ZNF708: variants seen among roughly 807,000 people sequenced by gnomAD.
ZNF708 encodes the protein ZNF15, ZNF15L1.
In ZNF708, 44 loss-of-function variants were observed where a neutral mutation model predicts 47.0. That is an observed-to-expected ratio of 0.94 (90% CI 0.74 to 1.20). The LOEUF is 1.20. ZNF708 is among the 50% of genes most tolerant of loss of function. The pLI, the probability that ZNF708 is intolerant of heterozygous loss-of-function variation, is 0.00. For synonymous variants in ZNF708, 184 were observed against 218.5 expected (o/e 0.84, Z 1.39); for missense variants, 557 against 656.0 (o/e 0.85, Z 1.65).
chr19:21,301,999 G>A (rs138351826), intron 3 of ZNF708, among the ~76,000 whole-genome samples: 2 of 152,236 alleles, frequency 1.3e-5, no homozygotes, highest in East Asian at 3.9e-4. Context: ...TGTGGTTCGG[G>A]CCTATGAATC....
intron 1 of ZNF708, among the ~76,000 whole-genome samples, chr19:21,321,971 T>A (rs1973155766): frequency 6.6e-6 from 1 of 152,112 alleles, no homozygotes; most frequent in Non-Finnish European, 1.5e-5. Context: ...GTACTCTAAT[T>A]TATTTCTCTG....
At chr19:21,306,645 T>C (rs1972769793) in intron 3 of ZNF708, among the ~76,000 whole-genome samples, 1 of 152,082 alleles carries the variant, frequency 6.6e-6, no homozygotes, top group Non-Finnish European at 1.5e-5. Context: ...GCTATTGTTT[T>C]AAAATGTTAC....
intron 3 of ZNF708, among the ~76,000 whole-genome samples, chr19:21,308,986 A>G (rs1308665981): frequency 6.6e-6 from 1 of 152,170 alleles, no homozygotes; most frequent in African/African-American, 2.4e-5. Context: ...AAAAAAAGTC[A>G]GATTGTGCAA....
intron 3 of ZNF708, among the ~76,000 whole-genome samples, chr19:21,304,515 G>A (rs991261487): frequency 1.3e-5 from 2 of 151,974 alleles, no homozygotes; most frequent in Non-Finnish European, 2.9e-5. Context: ...AACTTACCAG[G>A]CAAAAGCAAG....
chr19:21,295,099 T>C (rs1972503092), intron 3 of ZNF708, among the ~76,000 whole-genome samples: 1 of 151,958 alleles, frequency 6.6e-6, no homozygotes, highest in Non-Finnish European at 1.5e-5. Context: ...CTAAAAAAAA[T>C]AGTGTCACAT....
At chr19:21,305,438 A>G (rs1438256095) in intron 3 of ZNF708, among the ~76,000 whole-genome samples, 1 of 151,596 alleles carries the variant, frequency 6.6e-6, no homozygotes, top group Non-Finnish European at 1.5e-5. Context: ...TTTTACAGAA[A>G]TATAGTTTAT....
intron 1 of ZNF708, among the ~76,000 whole-genome samples, chr19:21,327,251 C>T (rs375362438): frequency 8.6e-5 from 13 of 151,744 alleles, no homozygotes; most frequent in Middle Eastern, 3.4e-3. Context: ...GTGTCTAGAC[C>T]GGGCGCGGTG....
rs776636833 is a variant in ZNF708, at chr19:21,294,522, G to C, written c.444C>G (p.Val148=). The change falls in exon 4 of 4, where the codon GTC becomes GTG. Residue 148 remains valine, a synonymous_variant. Transcript: ENST00000356929. Reference sequence around the variant, plus strand: ...TCTTTGCATTTGAATATTTATGAAAGACTTTCACGTATTTGTCACACTGAA... The same window carrying C: ...TCTTTGCATTTGAATATTTATGAAACACTTTCACGTATTTGTCACACTGAA... ...KIVQCDKYVK[V]FHKYSNAKRH... is the part of the protein sequence containing the mutation. 1 of 1,614,122 alleles carries C rather than the reference G, an allele frequency of 6.2e-7. No homozygotes were observed. Among genetic ancestry groups the C allele is most frequent in the Non-Finnish European group, 8.5e-7 (1 of 1,180,012 alleles).
intron 3 of ZNF708, among the ~76,000 whole-genome samples, chr19:21,296,142 G>C (rs1409684891): frequency 6.6e-6 from 1 of 151,286 alleles, no homozygotes; most frequent in Non-Finnish European, 1.5e-5. Flanking sequence ...GGCCTGAAGA[G>C]AACTGGGTGA....
At position 21,293,521 on chromosome 19, in the gene ZNF708, C is replaced by CCACATTCTT. The variant is rs1972442313; in HGVS notation, c.1436_1444dup (p.Glu479_Cys481dup). 2 of 1,612,780 alleles carry CCACATTCTT rather than the reference C, an allele frequency of 1.2e-6. No homozygotes were observed. Among genetic ancestry groups the CCACATTCTT allele is most frequent in the Non-Finnish European group, 1.7e-6 (2 of 1,179,634 alleles). ...ATGAGAGGACAGAATAAAGCTTTTG[C>CCACATTCTT]CACATTCTTCACACTTATAGGGTTT... On this transcript the variant is annotated inframe_insertion, in exon 4 of 4. Transcript: ENST00000356929.
At chr19:21,326,596 T>G (rs184964625) in intron 1 of ZNF708, among the ~76,000 whole-genome samples, 2 of 152,214 alleles carry the variant, frequency 1.3e-5, no homozygotes, top group Non-Finnish European at 2.9e-5. Flanking sequence ...GACTACAAAT[T>G]TGGTGCAGTG....
intron 3 of ZNF708, among the ~76,000 whole-genome samples, chr19:21,307,145 A>T (rs1442539412): frequency 2.9e-5 from 4 of 139,762 alleles, no homozygotes; most frequent in Admixed American, 1.4e-4. Context: ...AAATAAAATA[A>T]AATAAAATAT....
intron 1 of ZNF708, among the ~76,000 whole-genome samples, chr19:21,312,158 G>A (rs750471499): frequency 5.3e-5 from 8 of 152,068 alleles, no homozygotes; most frequent in Non-Finnish European, 8.8e-5. Context: ...AGCTGGGCGT[G>A]GTGGAACGCG....
At chr19:21,326,784 T>C (rs2145192250) in intron 1 of ZNF708, among the ~76,000 whole-genome samples, 1 of 151,900 alleles carries the variant, frequency 6.6e-6, no homozygotes, top group East Asian at 1.9e-4. Flanking sequence ...ATACAAAAAT[T>C]AGCTGGGCAT....
chr19:21,316,129 TTTTC>T (rs1370575599), intron 1 of ZNF708, among the ~76,000 whole-genome samples: 1 of 65,368 alleles, frequency 1.5e-5, no homozygotes, highest in Non-Finnish European at 3.0e-5. Flanking sequence ...TTCTTTTCTT[TTTTC>T]TTTTTTTTTT....
chr19:21,315,112 C>T (rs1402552489), intron 1 of ZNF708, among the ~76,000 whole-genome samples: 1 of 152,118 alleles, frequency 6.6e-6, no homozygotes, highest in African/African-American at 2.4e-5. Context: ...ACTTTGTGGT[C>T]TTGATCTCTC....
intron 1 of ZNF708, among the ~76,000 whole-genome samples, chr19:21,322,451 A>ACCC (rs1250675818): frequency 6.6e-6 from 1 of 152,048 alleles, no homozygotes; most frequent in Non-Finnish European, 1.5e-5. Flanking sequence ...ACAAGAACGC[A>ACCC]CCACCATGCC....
chr19:21,308,515 G>C (rs12972601), intron 3 of ZNF708, among the ~76,000 whole-genome samples: 84,825 of 151,836 alleles, frequency 0.56, 23,971 homozygotes, highest in Middle Eastern at 0.68. Context: ...CTGACCTCAG[G>C]TGATCCACCC....
chr19:21,326,362 A>T (rs1218400945), intron 1 of ZNF708, among the ~76,000 whole-genome samples: 1 of 152,236 alleles, frequency 6.6e-6, no homozygotes, highest in Non-Finnish European at 1.5e-5. Flanking sequence ...GTATATATAT[A>T]CAATGGAATA....
Sources: gnomAD v4.1 joint callset for allele counts (sites outside exome capture counted in the v4.1 genomes callset) on GRCh38, gnomAD v4.1.1 for gene constraint, MANE v1.5 for transcripts, NCBI Gene and HGNC (gene_info 2026-07-23, HGNC 2026-07-21) for gene names.